PADI6: variants seen among roughly 807,000 people sequenced by gnomAD.
PADI6 encodes peptidyl arginine deiminase 6.
In PADI6, 66 loss-of-function variants were observed where a neutral mutation model predicts 78.2. That is an observed-to-expected ratio of 0.84 (90% CI 0.69 to 1.04). PADI6 has a LOEUF of 1.04. Among genes scored for constraint, PADI6 ranks in the 50% least tolerant of loss-of-function variants. The pLI is 0.00. For synonymous variants in PADI6, 397 were observed against 346.9 expected (o/e 1.14, Z -1.60); for missense variants, 854 against 866.1 (o/e 0.99, Z 0.18).
Position 17,393,874 on chromosome 1 carries a change from G to A in PADI6, c.1075-101G>A, listed in dbSNP as rs1044484757. ...GAGCTGGGTGTTGAGGGTTGAGCAG[G>A]AGTTGGCAGGAAGGAAGGGGGTTCT... is the stretch of plus-strand genomic sequence containing the variant. On this transcript the variant is annotated intron_variant, in intron 9 of 15. Coordinates refer to ENST00000619609, the MANE Select transcript of PADI6 (RefSeq NM_207421.4). The A allele has an allele frequency of 6.1e-6, 6 of 983,384 alleles. No homozygotes were observed. The African/African-American group carries it at 8.0e-5, about 13-fold the overall frequency. The allele number at this position is 983,384 out of a possible 1,614,324, so 60.9% of individuals were successfully genotyped here. A position where few individuals can be genotyped will look rare whatever the true frequency, so the allele number is the denominator to read the frequency against.
chr1:17,401,209 G>A lies in PADI6; in HGVS notation c.1856G>A (p.Arg619Gln), dbSNP rs369442107. The A allele has an allele frequency of 8.2e-5, 133 of 1,613,858 alleles. 3 individuals are homozygous for A. In the Middle Eastern group the frequency reaches 6.3e-3, roughly 76 times the overall value. ...CCCACCCTGTCTTTCTAACAGTTGC[G>A]GATGATTGTGATGGGCAAGAACCTG... ...FARPYFPDLL[R>Q]MIVMGKNLGI... Residue 619 changes from arginine (R) to glutamine (Q), a missense_variant, in exon 16 of 16, where the codon CGG (arginine) becomes CAG (glutamine). Physicochemically the swap from Arg to Gln is conservative, Grantham distance 43. Transcript: ENST00000619609.
At chr1:17,388,256 G>T in intron 6 of PADI6, 125 bp from the exon 7 acceptor site, 3 of 901,696 alleles carry the variant, frequency 3.3e-6, no homozygotes, top group Non-Finnish European at 4.9e-6. Flanking sequence ...AGCCATTTCA[G>T]CTCCAGCCCT....
chr1:17,378,158 T>A lies in PADI6; in HGVS notation c.368-1762T>A, dbSNP rs1396117366. Among the ~76,000 whole-genome samples, 3 of 152,182 alleles carry A rather than the reference T, an allele frequency of 2.0e-5. No individual in the cohort carries two copies. The East Asian group carries it at 5.8e-4, about 29-fold the overall frequency. On this transcript the variant is annotated intron_variant, in intron 3 of 15. Transcript: ENST00000619609. Reference sequence around the variant, plus strand: ...TTTTCAAATGTAAACTTGGGCTCCCTTGATCATCTAAAACTGAAATACCCT... The same window carrying A: ...TTTTCAAATGTAAACTTGGGCTCCCATGATCATCTAAAACTGAAATACCCT...
In PADI6 at chr1:17,391,740, C is replaced by G. The variant is rs192481477; in HGVS notation, c.963-374C>G. On this transcript the variant is annotated intron_variant, in intron 8 of 15. Coordinates refer to ENST00000619609, the MANE Select transcript of PADI6 (RefSeq NM_207421.4). Reference sequence around the variant, plus strand: ...CCGAGGCAGGAGACTCACTTGAACCCAGGAGGTGGAGGTTGCGGTGAGTCA... The same window carrying G: ...CCGAGGCAGGAGACTCACTTGAACCGAGGAGGTGGAGGTTGCGGTGAGTCA... Among the ~76,000 whole-genome samples, 1,156 of 152,322 alleles carry G rather than the reference C, an allele frequency of 7.6e-3. 11 individuals are homozygous for G. The highest frequency in any genetic ancestry group is 0.013 in the Non-Finnish European group (852 of 68,032).
intron 14 of PADI6, 32 bp from the exon 15 acceptor site, chr1:17,398,654 G>GCCCCCCCCC: frequency 5.2e-5 from 9 of 173,476 alleles, no homozygotes; most frequent in South Asian, 1.5e-4. Context: ...TTGCTCCCCC[G>GCCCCCCCCC]CCCCCCCCCC....
In PADI6 at chr1:17,398,781, G is replaced by T; in HGVS notation, c.1785G>T (p.Lys595Asn). The change falls in exon 15 of 16, where the codon AAG becomes AAT. Residue 595 changes from lysine (K) to asparagine (N), a missense_variant. By Grantham distance (94) the Lys-to-Asn change is moderately conservative (BLOSUM62 0). Transcript: ENST00000619609. ...TTCCCCAGCTGTTCTGCTTGGAGAA[G>T]CTGACTAACATCCCCTCTGACCAGC... The part of the protein sequence containing the change: ...IEIPQLFCLE[K>N]LTNIPSDQQP... 2 of 1,612,312 alleles carry T rather than the reference G, an allele frequency of 1.2e-6. No homozygotes were observed. Among genetic ancestry groups the T allele is most frequent in the South Asian group, 1.1e-5 (1 of 90,996 alleles).
At chr1:17,393,403 C>T (rs2075211089) in intron 9 of PADI6, among the ~76,000 whole-genome samples, 1 of 152,210 alleles carries the variant, frequency 6.6e-6, no homozygotes, top group Non-Finnish European at 1.5e-5. Flanking sequence ...GAAGGCATCA[C>T]AGTGGCATAG....
chr1:17,380,034 A>C, intron 4 of PADI6, 47 bp downstream of exon 4: 1 of 1,582,126 alleles, frequency 6.3e-7, no homozygotes, highest in Non-Finnish European at 8.7e-7. Flanking sequence ...CTATAAGCCA[A>C]ATCTGCCCAC....
rs1163957631 is a variant in PADI6 at position 17,397,050 on chromosome 1, G to A, written c.1619-21G>A. 1.9e-6 allele frequency: 3 copies of A among 1,611,910 alleles called. No homozygotes were observed. In the African/African-American group the frequency reaches 4.0e-5, roughly 22 times the overall value. On this transcript the variant is annotated intron_variant, in intron 13 of 15. Transcript: ENST00000619609. ...CTGCCATTCCCTGACCAGCAGGCCT[G>A]CTGCCCGCTTCTTCCTACAGGAAGG... is the stretch of plus-strand genomic sequence containing the variant.
chr1:17,379,820 C>G, intron 3 of PADI6, 100 bp from the exon 4 acceptor site: 1 of 1,006,442 alleles, frequency 9.9e-7, no homozygotes, highest in Non-Finnish European at 1.5e-6. Flanking sequence ...GCTAGATGCC[C>G]TGATGCCAGC....
At chr1:17,390,419 G>A (rs2075170502) in intron 8 of PADI6, among the ~76,000 whole-genome samples, 1 of 152,058 alleles carries the variant, frequency 6.6e-6, no homozygotes, top group Admixed American at 6.6e-5. Flanking sequence ...GGCCAACATG[G>A]TAAAACCCCG....
intron 15 of PADI6, among the ~76,000 whole-genome samples, chr1:17,400,920 T>G (rs982199781): frequency 2.6e-5 from 4 of 152,084 alleles, no homozygotes; most frequent in Admixed American, 6.6e-5. Flanking sequence ...AGTGTTTCAG[T>G]GGAGGCAGCA....
chr1:17,377,717 C>T (rs2075032969), intron 3 of PADI6, among the ~76,000 whole-genome samples: 2 of 152,176 alleles, frequency 1.3e-5, no homozygotes, highest in Admixed American at 1.3e-4. Flanking sequence ...AATCCAGCAA[C>T]TCGCACTCCC....
chr1:17,392,198 C>G lies in PADI6; in HGVS notation c.1047C>G (p.Asp349Glu). 1 of 1,557,858 alleles carries G rather than the reference C, an allele frequency of 6.4e-7. No homozygotes were observed. Among genetic ancestry groups the G allele is most frequent in the Non-Finnish European group, 8.7e-7 (1 of 1,150,562 alleles). Residue 349 changes from aspartate (D) to glutamate (E), a missense_variant, in exon 9 of 16, where the codon GAC becomes GAG. Coordinates refer to ENST00000619609, the MANE Select transcript of PADI6 (RefSeq NM_207421.4). ...GCCAGGTGGCATCTGTCTATGAGGA[C>G]CCCAACCGCCTGGGCAGGTGGCTCC... is the stretch of plus-strand genomic sequence containing the variant. ...SNSQVASVYE[D>E]PNRLGRWLQD...
Position 17,398,776 on chromosome 1 carries a change from G to C in PADI6, c.1780G>C (p.Glu594Gln). ...IIEIPQLFCLEKLTNIPSDQQ... is the reference protein window; with the variant it reads ...IIEIPQLFCLQKLTNIPSDQQ... ...CGAGATTCCCCAGCTGTTCTGCTTG[G>C]AGAAGCTGACTAACATCCCCTCTGA... is the stretch of plus-strand genomic sequence containing the variant. Residue 594 changes from glutamate to glutamine, a missense_variant, in exon 15 of 16, where the codon GAG becomes CAG. By Grantham distance (29) the Glu-to-Gln change is conservative. Coordinates refer to ENST00000619609, the MANE Select transcript of PADI6 (RefSeq NM_207421.4). 6.2e-7 allele frequency: 1 copy of C among 1,611,838 alleles called. No homozygotes were observed. The highest frequency in any genetic ancestry group is 8.5e-7 in the Non-Finnish European group (1 of 1,179,378).
chr1:17,388,801 A>C lies in PADI6; in HGVS notation c.883A>C (p.Lys295Gln). The C allele has an allele frequency of 3.1e-6, 5 of 1,613,742 alleles. No homozygotes were observed. The highest frequency in any genetic ancestry group is 4.2e-6 in the Non-Finnish European group (5 of 1,179,822). The change falls in exon 8 of 16, where the codon AAA becomes CAA. Residue 295 changes from lysine to glutamine, a missense_variant. Coordinates refer to ENST00000619609, the MANE Select transcript of PADI6 (RefSeq NM_207421.4). The stretch of plus-strand genomic sequence containing the variant: ...GTCAATTCCAGAGACTGTGCTGTAC[A>C]AAGACACGGTGGTGTTCCGGGTGGC... ...DPSIPETVLY[K>Q]DTVVFRVAPC...
At chr1:17,397,035 C>G (rs1469930212) in intron 13 of PADI6, 36 bp from the exon 14 acceptor site, 2 of 1,605,618 alleles carry the variant, frequency 1.2e-6, no homozygotes, top group South Asian at 2.2e-5. Context: ...CTGCCATTCC[C>G]TGACCAGCAG....
At chr1:17,373,816 A>G (rs1211568529) in intron 2 of PADI6, among the ~76,000 whole-genome samples, 1 of 152,100 alleles carries the variant, frequency 6.6e-6, no homozygotes, top group East Asian at 1.9e-4. Flanking sequence ...ATATGAGGAA[A>G]CTAAGGCACA....
chr1:17,380,364 C>A (rs1361713089), intron 4 of PADI6, among the ~76,000 whole-genome samples: 1 of 151,696 alleles, frequency 6.6e-6, no homozygotes, highest in African/African-American at 2.4e-5. Flanking sequence ...CGTGTGCCAC[C>A]ACACCTGGCT....
Sources: allele counts gnomAD v4.1 joint callset (sites outside exome capture counted in the v4.1 genomes callset), GRCh38; gene constraint gnomAD v4.1.1; transcripts MANE v1.5; gene names NCBI Gene and HGNC (gene_info 2026-07-23, HGNC 2026-07-21).